The following EPAS1 variants were observed in gnomAD, a reference collection of about 807,000 sequenced individuals.
EPAS1 encodes endothelial PAS domain-containing protein 1.
EPAS1 carries 23 observed loss-of-function variants against 87.9 expected under a neutral mutation model. The observed-to-expected ratio is 0.26, with a 90% confidence interval of 0.19 to 0.37. EPAS1 has a LOEUF of 0.37. Ranked by LOEUF, EPAS1 falls within the 10% of genes least tolerant of loss-of-function variation. The pLI, the probability that EPAS1 is intolerant of heterozygous loss-of-function variation, is 1.00. For missense variants in EPAS1, 1,138 were observed against 1,120.7 expected (o/e 1.02, Z -0.22); for synonymous variants, 508 against 444.3 (o/e 1.14, Z -1.80).
intron 1 of EPAS1, among the ~76,000 whole-genome samples, chr2:46,343,854 C>T (rs556618747): frequency 3.3e-5 from 5 of 152,366 alleles, no homozygotes; most frequent in African/African-American, 1.2e-4. Flanking sequence ...AGCTGGGTTG[C>T]TCTAGGCAAG....
intron 2 of EPAS1, 22 bp from the exon 3 acceptor site, chr2:46,356,129 T>TCCC: frequency 8.0e-7 from 1 of 1,242,736 alleles, no homozygotes; most frequent in Non-Finnish European, 1.1e-6. Context: ...ATGCAAGCTG[T>TCCC]CCCACCCCCC....
At chr2:46,370,989 A>G (rs1022946123) in intron 7 of EPAS1, among the ~76,000 whole-genome samples, 2 of 152,210 alleles carry the variant, frequency 1.3e-5, no homozygotes, top group Non-Finnish European at 2.9e-5. Flanking sequence ...AGGGGCTCAT[A>G]TCTTTAACCT....
chr2:46,338,946 A>G (rs1428915436), intron 1 of EPAS1, among the ~76,000 whole-genome samples: 1 of 152,078 alleles, frequency 6.6e-6, no homozygotes, highest in African/African-American at 2.4e-5. Context: ...GGTCACTGTG[A>G]GGTGGCTACG....
chr2:46,375,492 C>A lies in EPAS1; in HGVS notation c.887-198C>A. On this transcript the variant is annotated intron_variant, in intron 7 of 15. Coordinates refer to ENST00000263734, the MANE Select transcript of EPAS1 (RefSeq NM_001430.5). This position sits in a 1 kb window ranked among gnomAD's most constrained non-coding sequence, Gnocchi z 4.1. Reference sequence around the variant, plus strand: ...ATTTCACCTCTTCTCACCTCTTTTTCCTATATTTAAAATGAAGAGTTGGCT... The same window carrying A: ...ATTTCACCTCTTCTCACCTCTTTTTACTATATTTAAAATGAAGAGTTGGCT... 1.5e-6 allele frequency: 1 copy of A among 648,258 alleles called. No homozygotes were observed. Among genetic ancestry groups the A allele is most frequent in the East Asian group, 2.8e-5 (1 of 35,574 alleles). The allele number at this position is 648,258 out of a possible 1,614,324, so 40.2% of individuals were successfully genotyped here.
At chr2:46,382,119 TGG>T (rs758406275) in intron 14 of EPAS1, 30 bp downstream of exon 14, 1 of 1,601,260 alleles carries the variant, frequency 6.2e-7, no homozygotes, top group Non-Finnish European at 8.5e-7. Flanking sequence ...CTGGGCCTCC[TGG>T]GGGTTCTGGT....
intron 1 of EPAS1, among the ~76,000 whole-genome samples, chr2:46,315,439 T>G (rs1288531580): frequency 2.0e-5 from 3 of 152,162 alleles, no homozygotes; most frequent in African/African-American, 7.2e-5. Flanking sequence ...AGACTTGGGT[T>G]TATCTGCCTC....
chr2:46,382,362 C>G (rs999200191), intron 14 of EPAS1, 63 bp from the exon 15 acceptor site: 1 of 1,595,098 alleles, frequency 6.3e-7, no homozygotes, highest in African/African-American at 1.3e-5. Context: ...GATGCTAGGG[C>G]TTCCTGGCCT....
intron 1 of EPAS1, among the ~76,000 whole-genome samples, chr2:46,312,552 T>G (rs544384102): frequency 6.6e-6 from 1 of 152,202 alleles, no homozygotes; most frequent in Admixed American, 6.5e-5. Flanking sequence ...AAGGCATCAT[T>G]ATTAACAAGC....
chr2:46,386,604 A>G lies in EPAS1; in HGVS notation c.*1944A>G, dbSNP rs1160921839. 2.0e-5 allele frequency: 3 copies of G among 152,674 alleles called. No individual in the cohort carries two copies. In the East Asian group the frequency reaches 5.8e-4, roughly 29 times the overall value. 9.5% of individuals were successfully genotyped at this position (152,674 alleles called of 1,614,324 possible). On this transcript the variant is annotated 3_prime_UTR_variant, in exon 16 of 16. Transcript: ENST00000263734. ...TTTCATGAACGTTATTATATTGTCG[A>G]ATTCCTACTGACAACATTATAACTG...
chr2:46,377,901 G>A lies in EPAS1; in HGVS notation c.1257G>A (p.Gln419=). ...DAIISLDFGN[Q]NFEESSAYGK... is the part of the protein sequence containing the mutation. ...AGGCCCTTGTCTCCACAGGGAATCA[G>A]AACTTCGAGGAGTCCTCAGCCTATG... Residue 419 remains glutamine, a synonymous_variant, in exon 10 of 16, where the codon CAG becomes CAA. Transcript: ENST00000263734. 1.9e-6 allele frequency: 3 copies of A among 1,552,440 alleles called. No homozygotes were observed. Among genetic ancestry groups the A allele is most frequent in the East Asian group, 2.4e-5 (1 of 40,980 alleles).
chr2:46,310,899 C>T lies in EPAS1; in HGVS notation c.26+12962C>T, dbSNP rs149841452. On this transcript the variant is annotated intron_variant, in intron 1 of 15. Transcript: ENST00000263734. ...GCGTGTTTGGCCTTTTTTTTTGAGACGGAGTCTCGCTCTGTTGCCCAGGCT... is the reference window on the plus strand; with the variant it reads ...GCGTGTTTGGCCTTTTTTTTTGAGATGGAGTCTCGCTCTGTTGCCCAGGCT... Among the ~76,000 whole-genome samples, 1,157 of 152,030 alleles carry T rather than the reference C, an allele frequency of 7.6e-3. 8 individuals carry two copies. The highest frequency in any genetic ancestry group is 0.027 in the Middle Eastern group (8 of 294).
intron 1 of EPAS1, among the ~76,000 whole-genome samples, chr2:46,302,746 A>C (rs866447702): frequency 1.5e-5 from 2 of 131,014 alleles, no homozygotes; most frequent in African/African-American, 4.3e-5. Context: ...AAAAAAAAAA[A>C]AAAAAAAAAA....
rs1483321897 is a variant in EPAS1 at position 46,360,519 on chromosome 2, G to A, written c.455-119G>A. Reference sequence around the variant, plus strand: ...TGATGGCAGACCACAGGTGCTAAGAGAGCAGATATTTGGAAAATATAAACA... The same window carrying A: ...TGATGGCAGACCACAGGTGCTAAGAAAGCAGATATTTGGAAAATATAAACA... On this transcript the variant is annotated intron_variant, in intron 4 of 15. Transcript: ENST00000263734. This position sits in a 1 kb window ranked among gnomAD's most constrained non-coding sequence, Gnocchi z 4.5. 1.1e-6 allele frequency: 1 copy of A among 880,350 alleles called. No homozygotes were observed. Among genetic ancestry groups the A allele is most frequent in the Admixed American group, 1.8e-5 (1 of 56,820 alleles). 54.5% of individuals were successfully genotyped at this position (880,350 alleles called of 1,614,324 possible). A position where few individuals can be genotyped will look rare whatever the true frequency, so the allele number is the denominator to read the frequency against.
intron 14 of EPAS1, 94 bp downstream of exon 14, chr2:46,382,183 C>G: frequency 8.2e-7 from 1 of 1,218,750 alleles, no homozygotes; most frequent in Non-Finnish European, 1.2e-6. Context: ...CACCACAGGC[C>G]GTACCTGCCT....
chr2:46,363,979 T>TC (rs1684454036), intron 6 of EPAS1, among the ~76,000 whole-genome samples: 2 of 152,254 alleles, frequency 1.3e-5, no homozygotes, highest in African/African-American at 4.8e-5. Context: ...AAGTCCTTAA[T>TC]CCCTAAGTGT....
chr2:46,364,504 T>C (rs1223734875), intron 6 of EPAS1, among the ~76,000 whole-genome samples: 1 of 152,210 alleles, frequency 6.6e-6, no homozygotes, highest in Non-Finnish European at 1.5e-5. Flanking sequence ...TGAAACAACC[T>C]ATTCTGAAAC....
intron 7 of EPAS1, among the ~76,000 whole-genome samples, chr2:46,374,410 C>T (rs955527774): frequency 2.0e-5 from 3 of 152,256 alleles, no homozygotes; most frequent in African/African-American, 4.8e-5. Context: ...TTTTCCTATA[C>T]AAAATTTGTT....
chr2:46,377,495 C>G (rs1467560887), intron 9 of EPAS1, among the ~76,000 whole-genome samples: 1 of 152,246 alleles, frequency 6.6e-6, no homozygotes, highest in African/African-American at 2.4e-5. Flanking sequence ...TAAAGAGAAT[C>G]TGAAACGCAG....
intron 15 of EPAS1, 89 bp from the exon 16 acceptor site, chr2:46,384,420 C>A: frequency 6.4e-7 from 1 of 1,573,688 alleles, no homozygotes; most frequent in Non-Finnish European, 8.7e-7. Flanking sequence ...TAGGGCTGCT[C>A]TATTGGTATC....
Sources: allele counts gnomAD v4.1 joint callset (sites outside exome capture counted in the v4.1 genomes callset), GRCh38; gene constraint gnomAD v4.1.1; non-coding constraint Gnocchi (gnomAD v3.1); transcripts MANE v1.5; gene names NCBI Gene and HGNC (gene_info 2026-07-23, HGNC 2026-07-21).